Variants in NSUN3 observed in about 807,000 individuals in gnomAD.
NSUN3 encodes tRNA (cytosine(34)-C(5))-methyltransferase, mitochondrial.
A neutral mutation model predicts 36.8 loss-of-function variants in NSUN3; 24 were observed. That is an observed-to-expected ratio of 0.65 (90% CI 0.47 to 0.92). NSUN3 has a LOEUF of 0.92. NSUN3 is among the 40% of genes least tolerant of loss of function. NSUN3 has a pLI of 0.00. For missense variants in NSUN3, 381 were observed against 392.8 expected (o/e 0.97, Z 0.25); for synonymous variants, 146 against 145.2 (o/e 1.01, Z -0.04).
intron 5 of NSUN3, 78 bp from the exon 6 acceptor site, chr3:94,126,133 G>A (rs796793478): frequency 2.0e-5 from 25 of 1,232,958 alleles, no homozygotes; most frequent in East Asian, 7.3e-5. Context: ...TTTTAAGTAC[G>A]TAATCTTTGC....
intron 2 of NSUN3, among the ~76,000 whole-genome samples, chr3:94,083,449 CATGTA>C (rs2077279184): frequency 6.6e-6 from 1 of 152,278 alleles, no homozygotes; most frequent in Middle Eastern, 3.4e-3. Context: ...GTGCTTACCT[CATGTA>C]AATGATGTGG....
chr3:94,065,903 A>G (rs1192769046), intron 2 of NSUN3, among the ~76,000 whole-genome samples: 2 of 152,142 alleles, frequency 1.3e-5, no homozygotes, highest in African/African-American at 2.4e-5. Context: ...GACTTACATG[A>G]TCCTCAGAAC....
chr3:94,094,266 G>T lies in NSUN3; in HGVS notation c.593G>T (p.Gly198Val). 1 of 1,612,738 alleles carries T rather than the reference G, an allele frequency of 6.2e-7. No individual in the cohort carries two copies. The highest frequency in any genetic ancestry group is 8.5e-7 in the Non-Finnish European group (1 of 1,179,636). The change falls in exon 4 of 6, where the codon GGA (glycine) becomes GTA (valine). Residue 198 changes from glycine (G) to valine (V), a missense_variant. Coordinates refer to ENST00000314622, the MANE Select transcript of NSUN3 (RefSeq NM_022072.5). The part of the protein sequence containing the change: ...KVSELDGRKM[G>V]DAQPEMFDKV... ...TCTGAATTGGATGGCAGAAAAATGG[G>T]AGATGCCCAGCCTGAAATGTTTGAC...
intron 2 of NSUN3, among the ~76,000 whole-genome samples, chr3:94,069,762 A>T (rs1353944899): frequency 6.6e-6 from 1 of 152,210 alleles, no homozygotes; most frequent in African/African-American, 2.4e-5. Flanking sequence ...AGAGCCTTGA[A>T]TCAGAACTCC....
chr3:94,107,974 C>CTTTTTTTTTTTT (rs11437686), intron 5 of NSUN3, among the ~76,000 whole-genome samples: 1 of 114,464 alleles, frequency 8.7e-6, no homozygotes. Context: ...TTTTTTTTTC[C>CTTTTTTTTTTTT]TTTTTTTTTT....
intron 5 of NSUN3, among the ~76,000 whole-genome samples, chr3:94,110,443 T>C (rs1280176511): frequency 1.3e-5 from 2 of 152,006 alleles, no homozygotes; most frequent in Non-Finnish European, 1.5e-5. Context: ...AATTGCTGAA[T>C]TCTCAGTAGG....
chr3:94,069,437 G>A (rs999802137), intron 2 of NSUN3, among the ~76,000 whole-genome samples: 2 of 152,116 alleles, frequency 1.3e-5, no homozygotes, highest in Non-Finnish European at 1.5e-5. Context: ...GATAATAATA[G>A]CACTAAATCA....
chr3:94,122,372 T>C (rs74747745), intron 5 of NSUN3, among the ~76,000 whole-genome samples: 2,081 of 152,244 alleles, frequency 0.014, 46 homozygotes, highest in African/African-American at 0.047. Context: ...CTAATGATTT[T>C]GGTTCCTAAT....
chr3:94,064,574 TGATGGA>T, intron 2 of NSUN3, 28 bp downstream of exon 2: 2 of 1,355,860 alleles, frequency 1.5e-6, no homozygotes, highest in Non-Finnish European at 2.1e-6. Context: ...CGATGCTTTA[TGATGGA>T]ACAAAGTACA....
chr3:94,067,139 C>T (rs781302080), intron 2 of NSUN3, among the ~76,000 whole-genome samples: 13 of 152,138 alleles, frequency 8.5e-5, no homozygotes, highest in East Asian at 1.9e-4. Context: ...ATCATATATA[C>T]GTGACCAAGC....
chr3:94,116,376 T>C (rs1340232135), intron 5 of NSUN3, among the ~76,000 whole-genome samples: 1 of 152,184 alleles, frequency 6.6e-6, no homozygotes, highest in Non-Finnish European at 1.5e-5. Flanking sequence ...TTATTGATTT[T>C]ACAGAATTTC....
At chr3:94,097,444 A>G (rs573697750) in intron 5 of NSUN3, among the ~76,000 whole-genome samples, 2 of 152,220 alleles carry the variant, frequency 1.3e-5, no homozygotes, top group South Asian at 4.1e-4. Flanking sequence ...TGAAACATTC[A>G]AGAGGATCTA....
At chr3:94,078,108 T>C (rs1180753716) in intron 2 of NSUN3, among the ~76,000 whole-genome samples, 1 of 152,248 alleles carries the variant, frequency 6.6e-6, no homozygotes, top group Non-Finnish European at 1.5e-5. Flanking sequence ...CACACTGCTT[T>C]AAATGGGTCC....
intron 2 of NSUN3, chr3:94,076,082 A>T: frequency 5.1e-6 from 8 of 1,557,862 alleles, no homozygotes; most frequent in South Asian, 3.3e-5. Flanking sequence ...ACCATGAATA[A>T]ACAACAACTC....
chr3:94,087,708 T>A (rs2077297432), intron 3 of NSUN3, among the ~76,000 whole-genome samples: 1 of 152,226 alleles, frequency 6.6e-6, no homozygotes, highest in Admixed American at 6.5e-5. Context: ...TCTTGCTCTG[T>A]TGCTCAGGCT....
chr3:94,073,657 T>C (rs1386370757), intron 2 of NSUN3, among the ~76,000 whole-genome samples: 5 of 152,234 alleles, frequency 3.3e-5, no homozygotes, highest in African/African-American at 1.2e-4. Flanking sequence ...GTTGTTTTTT[T>C]CTCGTAAATT....
Position 94,088,614 on chromosome 3 carries a change from C to T in NSUN3, c.466+4164C>T, listed in dbSNP as rs189014533. Among the ~76,000 whole-genome samples, 67 of 150,014 alleles carry T rather than the reference C, an allele frequency of 4.5e-4. 1 individual carries two copies. The East Asian group carries it at 5.9e-3, about 13-fold the overall frequency. ...TATTCTAGGGTCTCTCAGTAATACA[C>T]AAATGCTGACTTCTGTAGCATCCTC... On this transcript the variant is annotated intron_variant, in intron 3 of 5. Coordinates refer to ENST00000314622, the MANE Select transcript of NSUN3 (RefSeq NM_022072.5).
At chr3:94,068,114 T>C (rs938922007) in intron 2 of NSUN3, among the ~76,000 whole-genome samples, 1 of 152,230 alleles carries the variant, frequency 6.6e-6, no homozygotes, top group South Asian at 2.1e-4. Context: ...TGAGTTAATA[T>C]CTCTGTGCTC....
intron 5 of NSUN3, among the ~76,000 whole-genome samples, chr3:94,102,446 T>C (rs1432010108): frequency 2.0e-5 from 3 of 152,206 alleles, no homozygotes; most frequent in African/African-American, 7.2e-5. Flanking sequence ...ATTCAGTTCA[T>C]GTCGCATACT....
Sources: allele counts gnomAD v4.1 joint callset (sites outside exome capture counted in the v4.1 genomes callset), GRCh38; gene constraint gnomAD v4.1.1; transcripts MANE v1.5; gene names NCBI Gene and HGNC (gene_info 2026-07-23, HGNC 2026-07-21).